ATG10: variants seen among roughly 807,000 people sequenced by gnomAD.
The protein encoded by ATG10 is autophagy related 10.
Under a neutral mutation model 32.1 loss-of-function variants are expected in ATG10, and 30 were observed. The ratio of observed to expected loss-of-function variants is 0.94; its 90% CI spans 0.70 to 1.27. ATG10 has a LOEUF of 1.27. ATG10 is among the 50% of genes most tolerant of loss of function. The pLI is 0.00. For synonymous variants in ATG10, 87 were observed against 91.5 expected, an observed-to-expected ratio of 0.95 and a Z score of 0.28; for missense variants, 233 against 262.3, an observed-to-expected ratio of 0.89 and a Z score of 0.77.
chr5:81,993,375 T>TTCC (rs1761545332), intron 2 of ATG10, among the ~76,000 whole-genome samples: 5 of 33,788 alleles, frequency 1.5e-4, no homozygotes, highest in African/African-American at 1.1e-3. Context: ...TTTCTTTTCT[T>TTCC]TTCTTTTCTT....
intron 2 of ATG10, among the ~76,000 whole-genome samples, chr5:82,033,867 ATGTG>A (rs1230627171): frequency 6.6e-6 from 1 of 150,614 alleles, no homozygotes; most frequent in African/African-American, 2.4e-5. Flanking sequence ...TGTACTATAT[ATGTG>A]TATCTATAAA....
chr5:82,025,708 G>T (rs1251589652), intron 2 of ATG10, among the ~76,000 whole-genome samples: 1 of 152,084 alleles, frequency 6.6e-6, no homozygotes. Flanking sequence ...GTATTTGAAG[G>T]ACTTCCTATG....
At chr5:82,107,122 A>AAT (rs1181434498) in intron 3 of ATG10, among the ~76,000 whole-genome samples, 2 of 151,980 alleles carry the variant, frequency 1.3e-5, no homozygotes, top group Non-Finnish European at 2.9e-5. Context: ...CAATTTTAAA[A>AAT]ATATATATAT....
intron 3 of ATG10, among the ~76,000 whole-genome samples, chr5:82,107,765 T>C (rs964361295): frequency 2.6e-5 from 4 of 152,058 alleles, no homozygotes; most frequent in African/African-American, 7.2e-5. Context: ...ATTTATAATT[T>C]AGTTGGAGAG....
chr5:82,141,219 A>G (rs1767115240), intron 3 of ATG10, among the ~76,000 whole-genome samples: 1 of 150,092 alleles, frequency 6.7e-6, no homozygotes, highest in South Asian at 2.1e-4. Context: ...AGAATTATCA[A>G]TAAAAAAATA....
intron 3 of ATG10, among the ~76,000 whole-genome samples, chr5:82,157,276 T>C (rs187438467): frequency 1.9e-4 from 29 of 152,170 alleles, no homozygotes; most frequent in Non-Finnish European, 4.1e-4. Flanking sequence ...AGTGATAATA[T>C]TACTGGGAAG....
At chr5:82,126,083 G>C (rs1003590603) in intron 3 of ATG10, among the ~76,000 whole-genome samples, 1 of 124,144 alleles carries the variant, frequency 8.1e-6, no homozygotes, top group Non-Finnish European at 1.7e-5. Flanking sequence ...CTGTTTGTCT[G>C]TTATTGGTGT....
chr5:81,989,931 CTGAGT>C (rs1349441101), intron 2 of ATG10, among the ~76,000 whole-genome samples: 80 of 152,206 alleles, frequency 5.3e-4, no homozygotes, highest in African/African-American at 1.9e-3. Flanking sequence ...ATGATTATTG[CTGAGT>C]TGAAACAACT....
chr5:82,222,896 A>G (rs1288312580), intron 5 of ATG10, among the ~76,000 whole-genome samples: 1 of 152,228 alleles, frequency 6.6e-6, no homozygotes, highest in Non-Finnish European at 1.5e-5. Context: ...AAGTGTAGTC[A>G]CACTACCCGT....
intron 4 of ATG10, among the ~76,000 whole-genome samples, chr5:82,171,711 GT>G (rs1378616312): frequency 6.6e-6 from 1 of 152,068 alleles, no homozygotes; most frequent in Non-Finnish European, 1.5e-5. Context: ...GAGTATGAGG[GT>G]TTTTAAAAAT....
chr5:81,998,127 G>A (rs930044492), intron 2 of ATG10, among the ~76,000 whole-genome samples: 2 of 152,100 alleles, frequency 1.3e-5, no homozygotes, highest in African/African-American at 4.8e-5. Flanking sequence ...TATTTTAAAG[G>A]CAGCTAGAGA....
intron 3 of ATG10, among the ~76,000 whole-genome samples, chr5:82,102,458 ATAT>A (rs1765311432): frequency 6.6e-6 from 1 of 152,174 alleles, no homozygotes; most frequent in African/African-American, 2.4e-5. Flanking sequence ...GACACAGATA[ATAT>A]TAAGTAAACA....
chr5:82,104,905 G>A (rs1306373940), intron 3 of ATG10, among the ~76,000 whole-genome samples: 2 of 152,088 alleles, frequency 1.3e-5, no homozygotes, highest in Non-Finnish European at 1.5e-5. Flanking sequence ...GTTTCAAAGT[G>A]TCTAGTATTT....
At chr5:82,080,431 C>T (rs1192487170) in intron 3 of ATG10, among the ~76,000 whole-genome samples, 1 of 152,158 alleles carries the variant, frequency 6.6e-6, no homozygotes, top group Non-Finnish European at 1.5e-5. Context: ...ACATGAAGTC[C>T]TTGCCCATGC....
intron 5 of ATG10, among the ~76,000 whole-genome samples, chr5:82,247,168 T>C (rs74572378): frequency 0.022 from 3,396 of 152,306 alleles, 98 homozygotes; most frequent in African/African-American, 0.074. Context: ...CTGGGATCTG[T>C]AGATTAATGT....
At chr5:82,218,518 G>C (rs1157319097) in intron 5 of ATG10, among the ~76,000 whole-genome samples, 1 of 151,972 alleles carries the variant, frequency 6.6e-6, no homozygotes, top group Non-Finnish European at 1.5e-5. Flanking sequence ...ATCATCACTG[G>C]GATATGTCAT....
rs997599434 is a variant in ATG10 at position 82,197,259 on chromosome 5, T to C, written c.453+18672T>C. ...ATTTTTTTGTATCCTGTAACCTTGC[T>C]GAACTCTTTTATTAGGTCTAATAGT... On this transcript the variant is annotated intron_variant, in intron 5 of 7. Coordinates refer to ENST00000282185, the MANE Select transcript of ATG10 (RefSeq NM_031482.5). 2.6e-5 allele frequency among the ~76,000 whole-genome samples: 4 copies of C among 152,212 alleles called. 1 individual carries two copies. The South Asian group carries it at 6.2e-4, about 24-fold the overall frequency.
At chr5:82,085,619 C>T (rs1390645129) in intron 3 of ATG10, among the ~76,000 whole-genome samples, 1 of 151,162 alleles carries the variant, frequency 6.6e-6, no homozygotes, top group African/African-American at 2.4e-5. Flanking sequence ...GTCCATGTAC[C>T]CTAGAACTTA....
At chr5:82,153,815 A>G (rs1053170827) in intron 3 of ATG10, among the ~76,000 whole-genome samples, 1 of 151,752 alleles carries the variant, frequency 6.6e-6, no homozygotes. Flanking sequence ...GTATTTCCTT[A>G]TATTAGGACA....
Sources: allele counts gnomAD v4.1 joint callset (sites outside exome capture counted in the v4.1 genomes callset), GRCh38; gene constraint gnomAD v4.1.1; transcripts MANE v1.5; gene names NCBI Gene and HGNC (gene_info 2026-07-23, HGNC 2026-07-21).